The following PACS1 variants were observed in gnomAD, a reference collection of about 807,000 sequenced individuals.
PACS1 encodes the protein phosphofurin acidic cluster sorting protein 1, also known as PACS-1.
A neutral mutation model predicts 115.0 loss-of-function variants in PACS1; 24 were observed. That is an observed-to-expected ratio of 0.21 (90% confidence interval 0.15 to 0.29). PACS1 has a LOEUF of 0.29. PACS1 is among the 10% of genes least tolerant of loss of function. The pLI, the probability that PACS1 is intolerant of heterozygous loss-of-function variation, is 1.00. For missense variants in PACS1, 838 were observed against 1,251.2 expected, an observed-to-expected ratio of 0.67 and a Z score of 4.98; for synonymous variants, 453 against 504.5, an observed-to-expected ratio of 0.90 and a Z score of 1.37.
intron 1 of PACS1, among the ~76,000 whole-genome samples, chr11:66,143,438 C>T (rs1158678380): frequency 2.0e-5 from 3 of 152,138 alleles, no homozygotes; most frequent in Admixed American, 6.5e-5. Context: ...TTGATGCCAA[C>T]GTGCTGTGGG....
chr11:66,183,359 C>T (rs756342539), intron 1 of PACS1, among the ~76,000 whole-genome samples: 1 of 152,182 alleles, frequency 6.6e-6, no homozygotes, highest in African/African-American at 2.4e-5. Flanking sequence ...TTTACTCTCA[C>T]AAAGGAAAAC....
At chr11:66,189,422 G>A (rs1349303045) in intron 1 of PACS1, among the ~76,000 whole-genome samples, 1 of 152,108 alleles carries the variant, frequency 6.6e-6, no homozygotes, top group African/African-American at 2.4e-5. Context: ...AATATTTATT[G>A]GTCTGTGATG....
chr11:66,211,934 C>T (rs1044465916), intron 4 of PACS1, among the ~76,000 whole-genome samples: 5 of 152,074 alleles, frequency 3.3e-5, no homozygotes, highest in African/African-American at 4.8e-5. Flanking sequence ...ATGACCTTGA[C>T]ATTTTTTAAG....
intron 2 of PACS1, among the ~76,000 whole-genome samples, chr11:66,202,857 T>TACCTCA (rs1854848254): frequency 7.0e-6 from 1 of 143,492 alleles, no homozygotes; most frequent in South Asian, 2.2e-4. Context: ...AAAAGAAACA[T>TACCTCA]ACCTCAACAC....
rs549467464 is a variant in PACS1 at position 66,129,303 on chromosome 11, G to A, written c.356+58461G>A. Among the ~76,000 whole-genome samples, 8 of 151,458 alleles carry A rather than the reference G, an allele frequency of 5.3e-5. No homozygotes were observed. In the South Asian group the frequency reaches 1.0e-3, roughly 20 times the overall value. On this transcript the variant is annotated intron_variant, in intron 1 of 23. Coordinates refer to ENST00000320580, the MANE Select transcript of PACS1 (RefSeq NM_018026.4). The stretch of plus-strand genomic sequence containing the variant: ...AACAATTAGCCAGGTGTGGTGGCGC[G>A]CACTTGTAATCCCAGCTACTTAGGA...
intron 4 of PACS1, among the ~76,000 whole-genome samples, chr11:66,215,899 C>CAAAAATAATAAT (rs1855190729): frequency 8.6e-6 from 1 of 116,926 alleles, no homozygotes; most frequent in South Asian, 3.1e-4. Flanking sequence ...GACTCCGTCT[C>CAAAAATAATAAT]AAAAATAATA....
In PACS1 at chr11:66,111,988, A is replaced by G. The variant is rs1858199071; in HGVS notation, c.356+41146A>G. Among the ~76,000 whole-genome samples, 3 of 152,258 alleles carry G rather than the reference A, an allele frequency of 2.0e-5. No homozygotes were observed. In the South Asian group the frequency reaches 6.2e-4, roughly 32 times the overall value. On this transcript the variant is annotated intron_variant, in intron 1 of 23. Coordinates refer to ENST00000320580, the MANE Select transcript of PACS1 (RefSeq NM_018026.4). Reference sequence around the variant, plus strand: ...TGCCTGCCTCATGTAGTCCCTCAGCAGGAGCTATTGATTCTGAACCCTTCC... The same window carrying G: ...TGCCTGCCTCATGTAGTCCCTCAGCGGGAGCTATTGATTCTGAACCCTTCC...
intron 1 of PACS1, among the ~76,000 whole-genome samples, chr11:66,134,995 G>A (rs1453384593): frequency 6.6e-6 from 1 of 152,094 alleles, no homozygotes; most frequent in Non-Finnish European, 1.5e-5. Flanking sequence ...TGGATCACCT[G>A]AGGTCAGGAG....
At chr11:66,199,477 G>A (rs1854725860) in intron 2 of PACS1, among the ~76,000 whole-genome samples, 1 of 151,582 alleles carries the variant, frequency 6.6e-6, no homozygotes, top group Admixed American at 6.6e-5. Context: ...CATGGTAACT[G>A]CAAATCAAAA....
At chr11:66,101,911 C>T (rs1857928687) in intron 1 of PACS1, among the ~76,000 whole-genome samples, 1 of 152,060 alleles carries the variant, frequency 6.6e-6, no homozygotes, top group South Asian at 2.1e-4. Flanking sequence ...AGACCAGGGT[C>T]CAGTGTATTT....
At chr11:66,144,178 C>T (rs1471047369) in intron 1 of PACS1, among the ~76,000 whole-genome samples, 2 of 152,084 alleles carry the variant, frequency 1.3e-5, no homozygotes, top group African/African-American at 4.8e-5. Flanking sequence ...TATATTTAGC[C>T]TTTTCTTGGG....
chr11:66,125,075 A>G (rs144890224), intron 1 of PACS1, among the ~76,000 whole-genome samples: 1 of 152,192 alleles, frequency 6.6e-6, no homozygotes. Flanking sequence ...TCCATTGTGA[A>G]TAATGCTGCT....
At chr11:66,220,433 G>A in intron 8 of PACS1, 198 bp from the exon 9 acceptor site, 1 of 579,432 alleles carries the variant, frequency 1.7e-6, no homozygotes, top group South Asian at 2.1e-5. Flanking sequence ...GGCAGGAACT[G>A]GGGGGAAGGT....
At chr11:66,102,685 C>T (rs1040379767) in intron 1 of PACS1, among the ~76,000 whole-genome samples, 1 of 151,970 alleles carries the variant, frequency 6.6e-6, no homozygotes, top group African/African-American at 2.4e-5. Flanking sequence ...ATAATAATGT[C>T]ATCTTTTTAG....
chr11:66,146,074 CTG>C (rs894073219), intron 1 of PACS1, among the ~76,000 whole-genome samples: 3 of 151,910 alleles, frequency 2.0e-5, no homozygotes, highest in Non-Finnish European at 2.9e-5. Flanking sequence ...ATGATTATGT[CTG>C]TAATTTATTA....
At chr11:66,238,066 A>G (rs1304621129) in intron 19 of PACS1, 4 of 985,202 alleles carry the variant, frequency 4.1e-6, no homozygotes, top group Non-Finnish European at 4.8e-6. Flanking sequence ...CACAGCCTGG[A>G]TGCTCACCTA....
At chr11:66,114,375 A>G (rs984718408) in intron 1 of PACS1, among the ~76,000 whole-genome samples, 7 of 148,426 alleles carry the variant, frequency 4.7e-5, no homozygotes, top group African/African-American at 9.9e-5. Flanking sequence ...CTGAGATCCC[A>G]CCACTGCACT....
At chr11:66,239,386 G>A (rs1855767559) in intron 21 of PACS1, 109 bp downstream of exon 21, 2 of 1,309,938 alleles carry the variant, frequency 1.5e-6, no homozygotes, top group Admixed American at 2.4e-5. Context: ...AGCCGGGCGT[G>A]GTAGTGCACA....
intron 1 of PACS1, among the ~76,000 whole-genome samples, chr11:66,144,934 C>T (rs935347002): frequency 1.6e-4 from 25 of 152,326 alleles, no homozygotes; most frequent in Admixed American, 7.2e-4. Context: ...CACGCCAGGC[C>T]TGTTCATTAT....
Sources: gnomAD v4.1 joint callset for allele counts (sites outside exome capture counted in the v4.1 genomes callset) on GRCh38, gnomAD v4.1.1 for gene constraint, MANE v1.5 for transcripts, NCBI Gene and HGNC (gene_info 2026-07-23, HGNC 2026-07-21) for gene names.